ZBTB41: variants seen among roughly 807,000 people sequenced by gnomAD.
ZBTB41 encodes zinc finger and BTB domain-containing protein 41.
In ZBTB41, 42 loss-of-function variants were observed where a neutral mutation model predicts 87.6. The ratio of observed to expected loss-of-function variants is 0.48; its 90% CI spans 0.37 to 0.62. The LOEUF (loss-of-function observed/expected upper bound fraction) is 0.62, where lower values mean the gene tolerates loss of function less well. Among genes scored for constraint, ZBTB41 ranks in the 20% least tolerant of loss-of-function variants. ZBTB41 has a pLI of 0.00. For missense variants in ZBTB41, 799 were observed against 1,078.9 expected (o/e 0.74, Z 3.63); for synonymous variants, 364 against 364.0 (o/e 1.00, Z 0.00).
chr1:197,158,121 G>T lies in ZBTB41; in HGVS notation c.*1238C>A, dbSNP rs1295184981. On this transcript the variant is annotated 3_prime_UTR_variant, in exon 11 of 11. Coordinates refer to ENST00000367405, the MANE Select transcript of ZBTB41 (RefSeq NM_194314.3). ...AATATGGAAAGTGCATGTCTTTAAA[G>T]GTATTTTATAATTTTGACTTTTTCC... 1 of 152,248 alleles carries T rather than the reference G, an allele frequency of 6.6e-6. No homozygotes were observed. Among genetic ancestry groups the T allele is most frequent in the African/African-American group, 2.4e-5 (1 of 41,380 alleles). 9.4% of individuals were successfully genotyped at this position (152,248 alleles called of 1,614,324 possible). A position where few individuals can be genotyped will look rare whatever the true frequency, so the allele number is the denominator to read the frequency against.
intron 9 of ZBTB41, among the ~76,000 whole-genome samples, chr1:197,173,365 T>C (rs1659522806): frequency 6.6e-6 from 1 of 152,120 alleles, no homozygotes; most frequent in African/African-American, 2.4e-5. Flanking sequence ...TAAAAAGCAC[T>C]GTCCTAGATG....
rs188996812 is a variant in ZBTB41, at chr1:197,159,652, C to A, written c.2437G>T (p.Val813Phe). ...GGAGTGTCAGGCATCTGAACTGGAACCAGAGTTACTGGAACACATACTTCA... is the reference window on the plus strand; with the variant it reads ...GGAGTGTCAGGCATCTGAACTGGAAACAGAGTTACTGGAACACATACTTCA... ...SAEVCVPVTL[V>F]PVQMPDTPSD... is the part of the protein sequence containing the mutation. Residue 813 changes from valine to phenylalanine, a missense_variant, in exon 11 of 11, where the codon GTT becomes TTT. This residue lies in a region of ZBTB41 where 171 missense variants were observed against 191.9 expected (regional missense o/e 0.89). Coordinates refer to ENST00000367405, the MANE Select transcript of ZBTB41 (RefSeq NM_194314.3). 4 of 1,613,964 alleles carry A rather than the reference C, an allele frequency of 2.5e-6. No individual in the cohort carries two copies. The Admixed American group carries it at 6.7e-5, about 27-fold the overall frequency.
At position 197,172,149 on chromosome 1, in the gene ZBTB41, T is replaced by G. The variant is rs1659497848; in HGVS notation, c.2074+11A>C. 7.6e-7 allele frequency: 1 copy of G among 1,313,574 alleles called. No individual in the cohort carries two copies. Among genetic ancestry groups the G allele is most frequent in the Non-Finnish European group, 1.0e-6 (1 of 996,594 alleles). The allele number at this position is 1,313,574 out of a possible 1,614,324, so 81.4% of individuals were successfully genotyped here. A position where few individuals can be genotyped will look rare whatever the true frequency, so the allele number is the denominator to read the frequency against. On this transcript the variant is annotated intron_variant, in intron 10 of 10. Transcript: ENST00000367405. ...TATATATATATCTATGAACCACTCA[T>G]TAAATTTTACCTGAATGCGTTCGAA...
intron 10 of ZBTB41, among the ~76,000 whole-genome samples, chr1:197,167,499 TG>T (rs2125125492): frequency 6.6e-6 from 1 of 152,192 alleles, no homozygotes; most frequent in Admixed American, 6.5e-5. Flanking sequence ...GCACCAAGCA[TG>T]AACAGGATAT....
At chr1:197,181,197 T>C (rs1330755387) in intron 5 of ZBTB41, 80 bp from the exon 6 acceptor site, 1 of 1,302,036 alleles carries the variant, frequency 7.7e-7, no homozygotes, top group Non-Finnish European at 1.0e-6. Context: ...ATGCTGTAAG[T>C]TCATGCCTAT....
At chr1:197,183,309 CAGTATCTAAGA>C (rs1659802084) in intron 5 of ZBTB41, among the ~76,000 whole-genome samples, 1 of 152,144 alleles carries the variant, frequency 6.6e-6, no homozygotes, top group Non-Finnish European at 1.5e-5. Context: ...ATCCTCACAA[CAGTATCTAAGA>C]AGTACGTATT....
chr1:197,185,712 C>G (rs1174384689), intron 5 of ZBTB41, among the ~76,000 whole-genome samples: 1 of 151,944 alleles, frequency 6.6e-6, no homozygotes, highest in Admixed American at 6.6e-5. Flanking sequence ...TTTGCCTAAG[C>G]CAATACTCAA....
At chr1:197,167,189 T>C (rs189508582) in intron 10 of ZBTB41, among the ~76,000 whole-genome samples, 2 of 152,136 alleles carry the variant, frequency 1.3e-5, no homozygotes, top group African/African-American at 4.8e-5. Context: ...TGTATATTTA[T>C]GTGTTTGAAT....
At chr1:197,174,292 A>G (rs1363374415) in intron 9 of ZBTB41, among the ~76,000 whole-genome samples, 1 of 152,154 alleles carries the variant, frequency 6.6e-6, no homozygotes, top group Non-Finnish European at 1.5e-5. Flanking sequence ...ATAACTGAGC[A>G]GAATAAGATC....
At chr1:197,168,162 C>T (rs898119899) in intron 10 of ZBTB41, among the ~76,000 whole-genome samples, 3 of 151,516 alleles carry the variant, frequency 2.0e-5, no homozygotes, top group Admixed American at 6.6e-5. Flanking sequence ...AAATTTGATA[C>T]AAAAATATCA....
Position 197,158,068 on chromosome 1 carries a change from C to A in ZBTB41, c.*1291G>T, listed in dbSNP as rs1243305883. 6.6e-6 allele frequency: 1 copy of A among 152,346 alleles called. No individual in the cohort carries two copies. Among genetic ancestry groups the A allele is most frequent in the African/African-American group, 2.4e-5 (1 of 41,400 alleles). The allele number at this position is 152,346 out of a possible 1,614,324, so 9.4% of individuals were successfully genotyped here. Reference sequence around the variant, plus strand: ...AAGCAACTCTACTAGGAAACATTATCTTAGTTTTTAGTTAAAATTGACTTG... The same window carrying A: ...AAGCAACTCTACTAGGAAACATTATATTAGTTTTTAGTTAAAATTGACTTG... On this transcript the variant is annotated 3_prime_UTR_variant, in exon 11 of 11. Coordinates refer to ENST00000367405, the MANE Select transcript of ZBTB41 (RefSeq NM_194314.3).
chr1:197,193,604 C>T (rs1487895735), intron 2 of ZBTB41, among the ~76,000 whole-genome samples: 3 of 152,132 alleles, frequency 2.0e-5, no homozygotes, highest in Non-Finnish European at 4.4e-5. Flanking sequence ...GGCTCTTTCC[C>T]CTTGCCACTG....
chr1:197,182,496 C>CA (rs35258876), intron 5 of ZBTB41, among the ~76,000 whole-genome samples: 68,188 of 151,702 alleles, frequency 0.45, 16,783 homozygotes, highest in East Asian at 0.82. Flanking sequence ...AGGCTGGTCT[C>CA]AAACTCCTGG....
chr1:197,200,735 G>C (rs944984026), intron 1 of ZBTB41, among the ~76,000 whole-genome samples, 145 bp from the exon 2 acceptor site: 30 of 152,160 alleles, frequency 2.0e-4, no homozygotes, highest in African/African-American at 7.2e-4. Context: ...AAAGATTTTG[G>C]GGCGGAGAAC....
chr1:197,162,466 T>C (rs1659224625), intron 10 of ZBTB41, among the ~76,000 whole-genome samples: 1 of 152,100 alleles, frequency 6.6e-6, no homozygotes, highest in African/African-American at 2.4e-5. Context: ...TGTAAACTAA[T>C]AGTTAAAATC....
intron 5 of ZBTB41, among the ~76,000 whole-genome samples, chr1:197,183,286 A>G (rs1278033498): frequency 6.6e-6 from 1 of 152,178 alleles, no homozygotes; most frequent in African/African-American, 2.4e-5. Flanking sequence ...GCACTTATAC[A>G]GTACCTCATA....
At chr1:197,173,797 A>G (rs1488564045) in intron 9 of ZBTB41, among the ~76,000 whole-genome samples, 1 of 152,146 alleles carries the variant, frequency 6.6e-6, no homozygotes, top group Admixed American at 6.6e-5. Context: ...CCATGGGCAC[A>G]TAGAGAAAGA....
At chr1:197,160,185 A>C (rs1470391606) in intron 10 of ZBTB41, among the ~76,000 whole-genome samples, 171 bp from the exon 11 acceptor site, 1 of 152,142 alleles carries the variant, frequency 6.6e-6, no homozygotes, top group Non-Finnish European at 1.5e-5. Flanking sequence ...AAAAATAAGA[A>C]GCTTAAACAT....
Position 197,180,979 on chromosome 1 carries a change from ATTC to A in ZBTB41, c.1676+6_1676+8del, listed in dbSNP as rs1420002864. 1.3e-6 allele frequency: 2 copies of A among 1,585,558 alleles called. No individual in the cohort carries two copies. The highest frequency in any genetic ancestry group is 2.7e-5 in the African/African-American group (2 of 72,966). On this transcript the variant is annotated splice_donor_region_variant and intron_variant, in intron 6 of 10. Transcript: ENST00000367405. ...TAGGATTTTTGTGGGTGTGCAGATAATTCTTCACCTTTCTCGTACTGATTTTCC... is the reference window on the plus strand; with the variant it reads ...TAGGATTTTTGTGGGTGTGCAGATAATTCACCTTTCTCGTACTGATTTTCC...
Sources: allele counts gnomAD v4.1 joint callset (sites outside exome capture counted in the v4.1 genomes callset), GRCh38; gene constraint gnomAD v4.1.1; regional missense constraint gnomAD v4.1.1; transcripts MANE v1.5; gene names NCBI Gene and HGNC (gene_info 2026-07-23, HGNC 2026-07-21).